CCSER1: variants seen among roughly 807,000 people sequenced by gnomAD.
CCSER1 encodes the protein coiled-coil serine rich protein 1.
A neutral mutation model predicts 82.0 loss-of-function variants in CCSER1; 41 were observed. That is an observed-to-expected ratio of 0.50 (90% CI 0.39 to 0.65). CCSER1 has a LOEUF of 0.65. Among genes scored for constraint, CCSER1 ranks in the 30% least tolerant of loss-of-function variants. CCSER1 has a pLI of 0.00. For synonymous variants in CCSER1, 414 were observed against 383.9 expected (o/e 1.08, Z -0.92); for missense variants, 1,119 against 1,064.2 (o/e 1.05, Z -0.72).
chr4:91,190,892 T>C (rs1186126470), intron 10 of CCSER1, among the ~76,000 whole-genome samples: 1 of 152,188 alleles, frequency 6.6e-6, no homozygotes, highest in African/African-American at 2.4e-5. Context: ...CTTAACTTCA[T>C]GGATATGTAG....
intron 10 of CCSER1, among the ~76,000 whole-genome samples, chr4:91,280,920 G>A (rs1742867408): frequency 6.6e-6 from 1 of 152,112 alleles, no homozygotes; most frequent in Non-Finnish European, 1.5e-5. Context: ...TCAAAATGGT[G>A]TGGTGCTATA....
chr4:90,400,005 T>C (rs1186654882), intron 3 of CCSER1, 31 bp from the exon 4 acceptor site: 5 of 1,308,046 alleles, frequency 3.8e-6, no homozygotes, highest in Non-Finnish European at 5.5e-6. Context: ...AGTGTTTTGG[T>C]TTCTAATTGT....
chr4:91,218,586 A>G (rs11942800), intron 10 of CCSER1, among the ~76,000 whole-genome samples: 8,834 of 152,274 alleles, frequency 0.058, 503 homozygotes, highest in African/African-American at 0.15. Flanking sequence ...ACTATTTAGA[A>G]CTTAATGATA....
intron 5 of CCSER1, among the ~76,000 whole-genome samples, chr4:90,535,234 A>G (rs1165683483): frequency 1.3e-5 from 2 of 152,192 alleles, no homozygotes; most frequent in Admixed American, 1.3e-4. Flanking sequence ...TAAAAATTAT[A>G]TGCAATATTT....
intron 5 of CCSER1, among the ~76,000 whole-genome samples, chr4:90,605,878 A>G (rs1322000123): frequency 6.6e-6 from 1 of 152,110 alleles, no homozygotes; most frequent in African/African-American, 2.4e-5. Context: ...TCTTAGAAAT[A>G]TATTTCTAGT....
chr4:90,401,568 C>T (rs1421261616), intron 4 of CCSER1, among the ~76,000 whole-genome samples: 1 of 152,184 alleles, frequency 6.6e-6, no homozygotes, highest in African/African-American at 2.4e-5. Context: ...AGGTCTGGCT[C>T]TGTTGCCCAG....
intron 3 of CCSER1, among the ~76,000 whole-genome samples, chr4:90,393,380 G>C (rs1289136023): frequency 6.6e-6 from 1 of 152,112 alleles, no homozygotes; most frequent in Non-Finnish European, 1.5e-5. Context: ...CCTATGGTTG[G>C]AATAGTGGAG....
At chr4:91,561,758 G>T (rs914561811) in intron 10 of CCSER1, among the ~76,000 whole-genome samples, 2 of 151,362 alleles carry the variant, frequency 1.3e-5, no homozygotes, top group Non-Finnish European at 3.0e-5. Context: ...TGCATAGGAT[G>T]AAAGCTGTTT....
intron 3 of CCSER1, among the ~76,000 whole-genome samples, chr4:90,317,673 G>A (rs894332615): frequency 1.3e-5 from 2 of 151,950 alleles, no homozygotes; most frequent in Non-Finnish European, 1.5e-5. Context: ...CAAATCTAGC[G>A]ACTTATATAA....
chr4:90,128,005 C>T (rs1722091293), intron 1 of CCSER1, among the ~76,000 whole-genome samples, 174 bp downstream of exon 1: 1 of 151,844 alleles, frequency 6.6e-6, no homozygotes, highest in Admixed American at 6.6e-5. Flanking sequence ...AGAGACCTGG[C>T]CTTGCGGGCG....
intron 10 of CCSER1, among the ~76,000 whole-genome samples, chr4:91,105,362 CTT>C (rs1426002649): frequency 6.6e-6 from 1 of 151,548 alleles, no homozygotes; most frequent in African/African-American, 2.4e-5. Context: ...TCTTCAATAA[CTT>C]TGAAACTTGA....
At chr4:91,108,933 G>A (rs762240200) in intron 10 of CCSER1, among the ~76,000 whole-genome samples, 1 of 152,144 alleles carries the variant, frequency 6.6e-6, no homozygotes, top group Non-Finnish European at 1.5e-5. Context: ...CTCACCCAGT[G>A]TGGGTGGGCA....
chr4:90,260,946 C>G (rs1334276132), intron 1 of CCSER1, among the ~76,000 whole-genome samples: 1 of 152,102 alleles, frequency 6.6e-6, no homozygotes, highest in African/African-American at 2.4e-5. Context: ...GAACTCCTGA[C>G]CTCAAGTGAT....
chr4:90,323,999 T>C lies in CCSER1; in HGVS notation c.1509+10952T>C, dbSNP rs545499700. 1.9e-3 allele frequency among the ~76,000 whole-genome samples: 282 copies of C among 152,308 alleles called. 1 individual carries two copies. Among genetic ancestry groups the C allele is most frequent in the African/African-American group, 5.9e-3 (246 of 41,550 alleles). On this transcript the variant is annotated intron_variant, in intron 3 of 10. Transcript: ENST00000509176. ...TCATGTCCCTACAAAGGACATGAAC[T>C]CATCATTGTTTATGGCTGCATAGTA...
chr4:90,453,988 C>T (rs1031215027), intron 4 of CCSER1, among the ~76,000 whole-genome samples: 5 of 152,136 alleles, frequency 3.3e-5, no homozygotes, highest in African/African-American at 9.7e-5. Flanking sequence ...TCCTGCTGGA[C>T]CACTTGAGAG....
intron 1 of CCSER1, among the ~76,000 whole-genome samples, chr4:90,294,792 C>A (rs2153469650): frequency 6.6e-6 from 1 of 152,058 alleles, no homozygotes. Flanking sequence ...AACCTCAATT[C>A]AAAGGCCCTC....
chr4:90,467,397 T>TA (rs1763782631), intron 4 of CCSER1, among the ~76,000 whole-genome samples: 2 of 141,372 alleles, frequency 1.4e-5, no homozygotes, highest in Admixed American at 1.4e-4. Context: ...AAATAAAAAA[T>TA]AAAAAAGGGC....
chr4:91,052,305 G>T (rs1325836300), intron 9 of CCSER1, among the ~76,000 whole-genome samples: 1 of 151,986 alleles, frequency 6.6e-6, no homozygotes, highest in Non-Finnish European at 1.5e-5. Flanking sequence ...TATCAGGATA[G>T]AAATTTTATA....
chr4:90,241,976 G>A (rs1232448429), intron 1 of CCSER1, among the ~76,000 whole-genome samples: 1 of 152,042 alleles, frequency 6.6e-6, no homozygotes, highest in African/African-American at 2.4e-5. Context: ...CTGAATTTAA[G>A]ATCTGTGAAT....
Sources: allele counts gnomAD v4.1 joint callset (sites outside exome capture counted in the v4.1 genomes callset), GRCh38; gene constraint gnomAD v4.1.1; transcripts MANE v1.5; gene names NCBI Gene and HGNC (gene_info 2026-07-23, HGNC 2026-07-21).